The following XKR4 variants were observed in gnomAD, a reference collection of about 807,000 sequenced individuals.
XKR4 encodes the protein XK related 4, also known as XK-related protein 4.
A neutral mutation model predicts 53.9 loss-of-function variants in XKR4; 12 were observed. That is an observed-to-expected ratio of 0.22 (90% CI 0.14 to 0.36). The LOEUF is 0.36. Among genes scored for constraint, XKR4 ranks in the 10% least tolerant of loss-of-function variants. XKR4 has a pLI of 1.00. For synonymous variants in XKR4, 354 were observed against 362.4 expected, an observed-to-expected ratio of 0.98 and a Z score of 0.26; for missense variants, 799 against 859.5, an observed-to-expected ratio of 0.93 and a Z score of 0.88.
intron 2 of XKR4, among the ~76,000 whole-genome samples, chr8:55,473,953 T>C (rs1177908343): frequency 6.7e-6 from 1 of 150,298 alleles, no homozygotes; most frequent in Non-Finnish European, 1.5e-5. Flanking sequence ...TCATCCAGGC[T>C]AGAGTGCAGT....
chr8:55,260,104 A>G (rs1242683612), intron 1 of XKR4, among the ~76,000 whole-genome samples: 2 of 152,150 alleles, frequency 1.3e-5, no homozygotes, highest in South Asian at 2.1e-4. Flanking sequence ...CACTGGCTGT[A>G]TCATCAACAC....
chr8:55,418,551 G>A (rs1177077715), intron 2 of XKR4, among the ~76,000 whole-genome samples: 1 of 152,196 alleles, frequency 6.6e-6, no homozygotes, highest in Non-Finnish European at 1.5e-5. Context: ...CTGGTAGCCT[G>A]AGGTACTGGT....
At chr8:55,283,722 C>T (rs2129374242) in intron 1 of XKR4, among the ~76,000 whole-genome samples, 1 of 152,240 alleles carries the variant, frequency 6.6e-6, no homozygotes, top group African/African-American at 2.4e-5. Flanking sequence ...TTTGCACATC[C>T]AAATGCACAT....
At chr8:55,266,408 G>T (rs1487521653) in intron 1 of XKR4, among the ~76,000 whole-genome samples, 2 of 152,032 alleles carry the variant, frequency 1.3e-5, no homozygotes, top group Non-Finnish European at 1.5e-5. Flanking sequence ...TTGACTTAAA[G>T]GTCCACAGTC....
In XKR4 at chr8:55,534,661, C is replaced by G. The variant is rs1044474284; in HGVS notation, c.*10434C>G. 4 of 151,716 alleles carry G rather than the reference C, an allele frequency of 2.6e-5. No homozygotes were observed. Among genetic ancestry groups the G allele is most frequent in the Non-Finnish European group, 4.4e-5 (3 of 68,058 alleles). 9.4% of individuals were successfully genotyped at this position (151,716 alleles called of 1,614,324 possible). A position where few individuals can be genotyped will look rare whatever the true frequency, so the allele number is the denominator to read the frequency against. ...AAGTGCTGGGATTACAGGCGTGAGCCACCACACCCGGCCCCGATATTCTTA... is the reference window on the plus strand; with the variant it reads ...AAGTGCTGGGATTACAGGCGTGAGCGACCACACCCGGCCCCGATATTCTTA... On this transcript the variant is annotated 3_prime_UTR_variant, in exon 3 of 3. Transcript: ENST00000327381.
At chr8:55,313,593 G>A (rs1398627543) in intron 1 of XKR4, among the ~76,000 whole-genome samples, 1 of 152,190 alleles carries the variant, frequency 6.6e-6, no homozygotes, top group African/African-American at 2.4e-5. Flanking sequence ...TACTTGTTCA[G>A]TCTGGGCAAA....
chr8:55,174,612 C>A (rs1360502017), intron 1 of XKR4, among the ~76,000 whole-genome samples: 2 of 152,222 alleles, frequency 1.3e-5, no homozygotes, highest in East Asian at 3.9e-4. Context: ...TCGTCCATAG[C>A]TGAATGGCTC....
intron 1 of XKR4, among the ~76,000 whole-genome samples, chr8:55,319,493 C>A (rs956527689): frequency 1.3e-5 from 2 of 152,140 alleles, no homozygotes; most frequent in African/African-American, 2.4e-5. Context: ...AAAGGCCATT[C>A]CATTGTAAGG....
intron 1 of XKR4, among the ~76,000 whole-genome samples, chr8:55,329,559 A>T (rs571664222): frequency 6.6e-6 from 1 of 152,286 alleles, no homozygotes; most frequent in South Asian, 2.1e-4. Flanking sequence ...CACTAAATAA[A>T]AGGGAACATA....
intron 1 of XKR4, among the ~76,000 whole-genome samples, chr8:55,345,887 C>T (rs1803629010): frequency 6.6e-6 from 1 of 151,902 alleles, no homozygotes; most frequent in South Asian, 2.1e-4. Context: ...ATGCCTGTGT[C>T]AAATAGAAGG....
chr8:55,289,564 G>GAGAAAGGAA (rs1323983482), intron 1 of XKR4, among the ~76,000 whole-genome samples: 7 of 61,994 alleles, frequency 1.1e-4, no homozygotes, highest in Non-Finnish European at 2.2e-4. Flanking sequence ...AAGGAAGGAA[G>GAGAAAGGAA]GAAGGAGAGA....
rs547170889 is a variant in XKR4, at chr8:55,260,628, G to A, written c.807-97050G>A. On this transcript the variant is annotated intron_variant, in intron 1 of 2. Coordinates refer to ENST00000327381, the MANE Select transcript of XKR4 (RefSeq NM_052898.2). ...GCAAGTGGGTCTTCCAGCTGGTGGC[G>A]GAGTGCACAGGGTTTTATAGACAGG... Among the ~76,000 whole-genome samples, 12 of 152,230 alleles carry A rather than the reference G, an allele frequency of 7.9e-5. No homozygotes were observed. In the South Asian group the frequency reaches 1.0e-3, roughly 13 times the overall value.
chr8:55,484,910 C>G (rs1806170138), intron 2 of XKR4, among the ~76,000 whole-genome samples: 1 of 152,252 alleles, frequency 6.6e-6, no homozygotes, highest in African/African-American at 2.4e-5. Context: ...CAGTCCCAGA[C>G]TGGGACTATA....
intron 2 of XKR4, chr8:55,455,090 G>C: frequency 1.5e-6 from 1 of 676,962 alleles, no homozygotes; most frequent in Admixed American, 2.0e-5. Context: ...ACTCCCGCGC[G>C]GGTGCGGCCT....
chr8:55,256,747 C>T (rs192751332), intron 1 of XKR4, among the ~76,000 whole-genome samples: 44 of 152,288 alleles, frequency 2.9e-4, no homozygotes, highest in Admixed American at 2.7e-3. Flanking sequence ...TCAGTCAGGT[C>T]ATCTGCACCT....
chr8:55,288,369 A>C (rs1196906508), intron 1 of XKR4, among the ~76,000 whole-genome samples: 1 of 152,228 alleles, frequency 6.6e-6, no homozygotes, highest in African/African-American at 2.4e-5. Context: ...GTTGCCAGAA[A>C]AGTAAGGGGT....
At chr8:55,206,091 G>C (rs552588746) in intron 1 of XKR4, among the ~76,000 whole-genome samples, 4 of 152,178 alleles carry the variant, frequency 2.6e-5, no homozygotes, top group Non-Finnish European at 5.9e-5. Flanking sequence ...GCAGACCTTC[G>C]CAGTTGAGTG....
chr8:55,283,459 A>G (rs1818867471), intron 1 of XKR4, among the ~76,000 whole-genome samples: 1 of 152,236 alleles, frequency 6.6e-6, no homozygotes, highest in African/African-American at 2.4e-5. Context: ...CAAGACTGTG[A>G]TGTAGATGAC....
At chr8:55,316,741 C>A (rs556888807) in intron 1 of XKR4, among the ~76,000 whole-genome samples, 1 of 152,238 alleles carries the variant, frequency 6.6e-6, no homozygotes, top group African/African-American at 2.4e-5. Flanking sequence ...TCCTCCGATC[C>A]ACTCCACCCT....
Sources: gnomAD v4.1 joint callset for allele counts (sites outside exome capture counted in the v4.1 genomes callset) on GRCh38, gnomAD v4.1.1 for gene constraint, MANE v1.5 for transcripts, NCBI Gene and HGNC (gene_info 2026-07-23, HGNC 2026-07-21) for gene names.